The following TFCP2 variants were observed in gnomAD, a reference collection of about 807,000 sequenced individuals.
The protein encoded by TFCP2 is alpha-globin transcription factor CP2.
TFCP2 carries 33 observed loss-of-function variants against 73.4 expected under a neutral mutation model. The observed-to-expected ratio is 0.45, with a 90% CI of 0.34 to 0.60. The LOEUF is 0.60. Among genes scored for constraint, TFCP2 ranks in the 20% least tolerant of loss-of-function variants. The pLI, the probability that TFCP2 is intolerant of heterozygous loss-of-function variation, is 0.01. For synonymous variants in TFCP2, 193 were observed against 211.6 expected (o/e 0.91, Z 0.76); for missense variants, 352 against 604.0 (o/e 0.58, Z 4.37).
At chr12:51,135,897 T>C (rs927069885) in intron 1 of TFCP2, among the ~76,000 whole-genome samples, 3 of 152,190 alleles carry the variant, frequency 2.0e-5, no homozygotes, top group Admixed American at 6.5e-5. Context: ...TGACACTGTC[T>C]CAGTAAATCC....
chr12:51,145,690 G>C (rs1233296755), intron 1 of TFCP2, among the ~76,000 whole-genome samples: 3 of 150,188 alleles, frequency 2.0e-5, no homozygotes, highest in South Asian at 4.3e-4. Flanking sequence ...GCTAATGCCT[G>C]TAATCCCAAC....
At chr12:51,124,608 C>T (rs1211379408) in intron 1 of TFCP2, 1 of 525,004 alleles carries the variant, frequency 1.9e-6, no homozygotes, top group Non-Finnish European at 3.7e-6. Flanking sequence ...GAGGAGCGGA[C>T]TGCCCCGCCG....
intron 11 of TFCP2, among the ~76,000 whole-genome samples, chr12:51,101,139 T>TA (rs1315358039): frequency 1.3e-5 from 2 of 151,682 alleles, no homozygotes; most frequent in Admixed American, 1.3e-4. Context: ...CTGTCTCTAC[T>TA]AAAAAAATAC....
At chr12:51,157,095 A>G (rs1428438538) in intron 1 of TFCP2, 1 of 151,122 alleles carries the variant, frequency 6.6e-6, no homozygotes, top group Non-Finnish European at 1.5e-5. Context: ...AGCTCACTAC[A>G]ACCTCTACCT....
chr12:51,169,648 G>C (rs925221660), intron 1 of TFCP2, among the ~76,000 whole-genome samples: 2 of 152,112 alleles, frequency 1.3e-5, no homozygotes, highest in Non-Finnish European at 2.9e-5. Context: ...ACTTGAGCCC[G>C]GGAGATGGAA....
Position 51,130,428 on chromosome 12 carries a change from T to C in TFCP2, c.123-11656A>G, listed in dbSNP as rs1235134141. Among the ~76,000 whole-genome samples, 8 of 151,828 alleles carry C rather than the reference T, an allele frequency of 5.3e-5. No individual in the cohort carries two copies. The East Asian group carries it at 1.6e-3, about 30-fold the overall frequency. On this transcript the variant is annotated intron_variant, in intron 1 of 14. Coordinates refer to ENST00000257915, the MANE Select transcript of TFCP2 (RefSeq NM_005653.5). ...CAGAGGCTGTAGCGAGCCAAGATCA[T>C]GCTACTACACTCCAGCCTGGGTGAT...
chr12:51,159,430 C>T (rs946047626), intron 1 of TFCP2, among the ~76,000 whole-genome samples: 1 of 151,768 alleles, frequency 6.6e-6, no homozygotes, highest in Admixed American at 6.6e-5. Context: ...CTCCCGCCTC[C>T]CAGGTTCAAG....
chr12:51,161,679 C>CA (rs148272600), intron 1 of TFCP2, among the ~76,000 whole-genome samples: 76,329 of 127,428 alleles, frequency 0.6, 23,065 homozygotes, highest in Non-Finnish European at 0.68. Flanking sequence ...GACTCTGTCT[C>CA]AAAAAAAATA....
chr12:51,160,270 G>A (rs908143461), intron 1 of TFCP2, among the ~76,000 whole-genome samples: 1 of 151,710 alleles, frequency 6.6e-6, no homozygotes, highest in East Asian at 1.9e-4. Context: ...CGAGTGGCTG[G>A]GATTACAGGT....
intron 4 of TFCP2, among the ~76,000 whole-genome samples, chr12:51,115,550 T>C (rs1180444660): frequency 6.6e-6 from 1 of 152,200 alleles, no homozygotes; most frequent in Non-Finnish European, 1.5e-5. Flanking sequence ...TTTCTGGATA[T>C]GTATCCAAAA....
At chr12:51,097,544 G>C (rs1939994209) in intron 13 of TFCP2, among the ~76,000 whole-genome samples, 1 of 152,038 alleles carries the variant, frequency 6.6e-6, no homozygotes, top group Non-Finnish European at 1.5e-5. Flanking sequence ...TTGCGCCTGG[G>C]CAGCCTTCTT....
At chr12:51,160,979 C>T (rs990727466) in intron 1 of TFCP2, among the ~76,000 whole-genome samples, 5 of 152,140 alleles carry the variant, frequency 3.3e-5, no homozygotes, top group East Asian at 1.9e-4. Context: ...GCTGCCAGAG[C>T]GCTGGCCACT....
At chr12:51,114,313 T>C (rs1438871986) in intron 4 of TFCP2, among the ~76,000 whole-genome samples, 1 of 152,142 alleles carries the variant, frequency 6.6e-6, no homozygotes, top group Non-Finnish European at 1.5e-5. Context: ...AAAGAAAATA[T>C]ATAAATGATG....
rs377306856 is a variant in TFCP2, at chr12:51,096,159, A to G, written c.1420-119T>C. On this transcript the variant is annotated intron_variant, in intron 13 of 14. Transcript: ENST00000257915. ...TTATATGGGAGGCTTTACAGGTCAC[A>G]AATAATGTATTTCTTGAATATCTAG... The G allele has an allele frequency of 5.6e-6, 4 of 709,000 alleles. No individual in the cohort carries two copies. In the East Asian group the frequency reaches 1.1e-4, roughly 19 times the overall value. The allele number at this position is 709,000 out of a possible 1,614,324, so 43.9% of individuals were successfully genotyped here. A position where few individuals can be genotyped will look rare whatever the true frequency, so the allele number is the denominator to read the frequency against.
chr12:51,107,107 G>A (rs1026531134), intron 7 of TFCP2, 129 bp downstream of exon 7: 55 of 766,228 alleles, frequency 7.2e-5, no homozygotes, highest in Middle Eastern at 5.5e-4. Context: ...AAGGCCGCTG[G>A]ACACAGAATC....
intron 1 of TFCP2, among the ~76,000 whole-genome samples, chr12:51,119,885 G>A (rs1385115928): frequency 6.6e-6 from 1 of 151,822 alleles, no homozygotes; most frequent in African/African-American, 2.4e-5. Context: ...AATGTTCACA[G>A]CATAAAAGCA....
At chr12:51,106,668 G>A (rs1940253755) in intron 7 of TFCP2, 55 bp from the exon 8 acceptor site, 1 of 1,392,838 alleles carries the variant, frequency 7.2e-7, no homozygotes, top group Non-Finnish European at 1.0e-6. Flanking sequence ...CCCAGGATTT[G>A]ACTAAAACAT....
At chr12:51,148,436 C>T (rs1051867619) in intron 1 of TFCP2, among the ~76,000 whole-genome samples, 1 of 152,184 alleles carries the variant, frequency 6.6e-6, no homozygotes, top group Admixed American at 6.5e-5. Flanking sequence ...GGCGTGGTGG[C>T]CCACACCTGT....
At chr12:51,165,548 G>A (rs995365470) in intron 1 of TFCP2, among the ~76,000 whole-genome samples, 4 of 152,136 alleles carry the variant, frequency 2.6e-5, no homozygotes, top group Non-Finnish European at 5.9e-5. Context: ...GGTTTTTAGA[G>A]TAGTCAAATT....
Sources: allele counts gnomAD v4.1 joint callset (sites outside exome capture counted in the v4.1 genomes callset), GRCh38; gene constraint gnomAD v4.1.1; transcripts MANE v1.5; gene names NCBI Gene and HGNC (gene_info 2026-07-23, HGNC 2026-07-21).